The following BPIFC variants were observed in gnomAD, a reference collection of about 807,000 sequenced individuals.
BPIFC encodes BPI fold-containing family C protein.
BPIFC carries 60 observed loss-of-function variants against 57.6 expected under a neutral mutation model. That is an observed-to-expected ratio of 1.04 (90% CI 0.85 to 1.29). The LOEUF is 1.29. BPIFC is among the 50% of genes most tolerant of loss of function. The pLI is 0.00. For synonymous variants in BPIFC, 243 were observed against 224.5 expected, an observed-to-expected ratio of 1.08 and a Z score of -0.74; for missense variants, 581 against 600.5, an observed-to-expected ratio of 0.97 and a Z score of 0.34.
At chr22:32,448,004 G>A (rs1017522597) in intron 4 of BPIFC, among the ~76,000 whole-genome samples, 12 of 151,834 alleles carry the variant, frequency 7.9e-5, no homozygotes, top group Admixed American at 3.3e-4. Context: ...TTTTCCTTCA[G>A]CAGTTCCAGT....
intron 2 of BPIFC, among the ~76,000 whole-genome samples, chr22:32,460,657 AC>A (rs1301292619): frequency 2.6e-5 from 4 of 152,190 alleles, no homozygotes; most frequent in Non-Finnish European, 5.9e-5. Flanking sequence ...GCCTGCAGAA[AC>A]CGTGCATATC....
intron 13 of BPIFC, among the ~76,000 whole-genome samples, chr22:32,429,790 C>T (rs1019050556): frequency 3.3e-5 from 5 of 152,100 alleles, no homozygotes; most frequent in African/African-American, 9.7e-5. Flanking sequence ...GCTGGGATTA[C>T]AGGTGTGAGC....
chr22:32,420,243 G>A (rs1324258122), intron 13 of BPIFC, among the ~76,000 whole-genome samples: 3 of 151,406 alleles, frequency 2.0e-5, no homozygotes, highest in African/African-American at 4.9e-5. Context: ...GTGTGAACCC[G>A]GGAGGCACAG....
At chr22:32,442,304 C>T (rs1934586670) in intron 8 of BPIFC, among the ~76,000 whole-genome samples, 1 of 152,132 alleles carries the variant, frequency 6.6e-6, no homozygotes, top group Non-Finnish European at 1.5e-5. Flanking sequence ...GGACTTGATG[C>T]TCAGGGCAGC....
intron 4 of BPIFC, among the ~76,000 whole-genome samples, chr22:32,453,077 A>G (rs1464792403): frequency 6.6e-6 from 1 of 152,178 alleles, no homozygotes; most frequent in African/African-American, 2.4e-5. Context: ...GTTAGGCAGG[A>G]TCTTATTAGG....
At chr22:32,460,325 C>G (rs1935135380) in intron 2 of BPIFC, among the ~76,000 whole-genome samples, 1 of 152,212 alleles carries the variant, frequency 6.6e-6, no homozygotes, top group Non-Finnish European at 1.5e-5. Flanking sequence ...GAAGGGCTAT[C>G]CTATGTATCC....
chr22:32,458,697 T>C (rs1935097002), intron 2 of BPIFC, among the ~76,000 whole-genome samples: 1 of 152,218 alleles, frequency 6.6e-6, no homozygotes, highest in Non-Finnish European at 1.5e-5. Context: ...GCCTTATGGG[T>C]TCTCCAGCAC....
intron 2 of BPIFC, among the ~76,000 whole-genome samples, chr22:32,459,691 A>G (rs1935121676): frequency 6.6e-6 from 1 of 151,796 alleles, no homozygotes; most frequent in Non-Finnish European, 1.5e-5. Context: ...ATTAAAAAAA[A>G]AACTAAAAAA....
chr22:32,455,050 CATTTTTTTTT>C (rs1228918510), intron 3 of BPIFC, among the ~76,000 whole-genome samples: 2 of 134,148 alleles, frequency 1.5e-5, no homozygotes, highest in African/African-American at 2.8e-5. Context: ...TTTTCATCTC[CATTTTTTTTT>C]TTTTTTTTTG....
intron 13 of BPIFC, among the ~76,000 whole-genome samples, chr22:32,430,819 C>G (rs1934218621): frequency 6.6e-6 from 1 of 151,750 alleles, no homozygotes; most frequent in African/African-American, 2.4e-5. Flanking sequence ...TTTAAAAAAG[C>G]TTTTGTAGAG....
At chr22:32,453,736 C>T (rs1002402637) in intron 3 of BPIFC, among the ~76,000 whole-genome samples, 8 of 152,118 alleles carry the variant, frequency 5.3e-5, no homozygotes, top group African/African-American at 1.4e-4. Context: ...ATTTTCATTA[C>T]GTCAGGAGGA....
At chr22:32,430,549 A>T (rs1934210109) in intron 13 of BPIFC, among the ~76,000 whole-genome samples, 1 of 144,302 alleles carries the variant, frequency 6.9e-6, no homozygotes, top group Admixed American at 7.0e-5. Flanking sequence ...AAAATGTTTT[A>T]TATAAATATA....
chr22:32,417,188 GCT>G (rs1933704895), intron 14 of BPIFC, 40 bp from the exon 15 acceptor site: 5 of 1,337,110 alleles, frequency 3.7e-6, no homozygotes, highest in South Asian at 2.6e-5. Context: ...GGCAGATCGG[GCT>G]TTTTTTTTTT....
intron 14 of BPIFC, among the ~76,000 whole-genome samples, chr22:32,417,488 G>A (rs188746190): frequency 2.0e-4 from 30 of 152,270 alleles, no homozygotes; most frequent in Non-Finnish European, 3.1e-4. Flanking sequence ...TGGGTGCTTC[G>A]AAAGTACCAT....
rs1312645656 is a variant in BPIFC, at chr22:32,424,602, TCCTCCTCCTCCTCCTCCTCC to T, written c.1218-5218_1218-5199del. Among the ~76,000 whole-genome samples the T allele has an allele frequency of 8.9e-3, 583 of 65,628 alleles. 93 individuals carry two copies. The highest frequency in any genetic ancestry group is 0.068 in the East Asian group (207 of 3,060). The allele number at this position is 65,628 out of a possible 152,430, so 43.1% of individuals were successfully genotyped here. On this transcript the variant is annotated intron_variant, in intron 13 of 16. Coordinates refer to ENST00000300399, the MANE Select transcript of BPIFC (RefSeq NM_174932.3). The stretch of plus-strand genomic sequence containing the variant: ...CTTCTTCTTCTTCTTCTTCTTCTTC[TCCTCCTCCTCCTCCTCCTCC>T]TCCTCCTCTTCTTCTTCTTCTCTTC...
intron 13 of BPIFC, among the ~76,000 whole-genome samples, chr22:32,422,687 G>A (rs972604180): frequency 1.3e-5 from 2 of 151,856 alleles, no homozygotes; most frequent in African/African-American, 2.4e-5. Flanking sequence ...CAGTCTGGGC[G>A]ACAGAGCAAG....
intron 2 of BPIFC, among the ~76,000 whole-genome samples, chr22:32,458,442 A>G (rs982509590): frequency 5.3e-5 from 8 of 152,206 alleles, no homozygotes; most frequent in African/African-American, 1.9e-4. Context: ...CCCTGTTATT[A>G]TGACTCCACC....
chr22:32,464,292 C>A, intron 1 of BPIFC, 82 bp downstream of exon 1: 1 of 596,826 alleles, frequency 1.7e-6, no homozygotes, highest in Non-Finnish European at 2.1e-6. Context: ...GCTGCCTGTT[C>A]AAAGTGTCCT....
chr22:32,424,690 T>C (rs1401981433), intron 13 of BPIFC, among the ~76,000 whole-genome samples: 20 of 61,356 alleles, frequency 3.3e-4, no homozygotes, highest in African/African-American at 1.2e-3. Context: ...CTTCTTCTTC[T>C]TCCTCTTCTT....
Sources: gnomAD v4.1 joint callset for allele counts (sites outside exome capture counted in the v4.1 genomes callset) on GRCh38, gnomAD v4.1.1 for gene constraint, MANE v1.5 for transcripts, NCBI Gene and HGNC (gene_info 2026-07-23, HGNC 2026-07-21) for gene names.